Variants in CTNND2 observed in about 807,000 individuals in gnomAD.
CTNND2 encodes the protein catenin delta 2, also known as catenin delta-2.
In CTNND2, 22 loss-of-function variants were observed where a neutral mutation model predicts 144.4. The ratio of observed to expected loss-of-function variants is 0.15; its 90% CI spans 0.11 to 0.22. The LOEUF (loss-of-function observed/expected upper bound fraction) is 0.22. CTNND2 is among the 10% of genes least tolerant of loss of function. The pLI is 1.00. For missense variants in CTNND2, 1,353 were observed against 1,618.8 expected, an observed-to-expected ratio of 0.84 and a Z score of 2.82; for synonymous variants, 751 against 695.6, an observed-to-expected ratio of 1.08 and a Z score of -1.25.
At chr5:11,069,993 C>G (rs1460739202) in intron 16 of CTNND2, among the ~76,000 whole-genome samples, 4 of 152,098 alleles carry the variant, frequency 2.6e-5, no homozygotes, top group Non-Finnish European at 4.4e-5. Flanking sequence ...AAATGAGGTG[C>G]TTTTTAGGAG....
Position 11,571,402 on chromosome 5 carries a change from C to G in CTNND2, c.175-6346G>C, listed in dbSNP as rs138111426. On this transcript the variant is annotated intron_variant, in intron 2 of 21. Coordinates refer to ENST00000304623, the MANE Select transcript of CTNND2 (RefSeq NM_001332.4). ...TCCTAGCTCCAGCTTTGTGCATAAA[C>G]ATTTGCCTGCTCTTTTTCCGCAAAG... Among the ~76,000 whole-genome samples, 11 of 152,196 alleles carry G rather than the reference C, an allele frequency of 7.2e-5. No homozygotes were observed. In the East Asian group the frequency reaches 1.4e-3, roughly 19 times the overall value.
intron 2 of CTNND2, among the ~76,000 whole-genome samples, chr5:11,645,379 T>C (rs551484030): frequency 1.3e-5 from 2 of 152,320 alleles, no homozygotes; most frequent in South Asian, 2.1e-4. Flanking sequence ...CAGAATGATA[T>C]CCCAGAAATT....
At chr5:11,662,227 A>G (rs985605708) in intron 2 of CTNND2, among the ~76,000 whole-genome samples, 23 of 137,898 alleles carry the variant, frequency 1.7e-4, no homozygotes, top group Non-Finnish European at 2.3e-4. Flanking sequence ...ATATATGTGT[A>G]TATATGTATA....
intron 2 of CTNND2, among the ~76,000 whole-genome samples, chr5:11,612,491 T>C (rs566198894): frequency 7.9e-5 from 12 of 152,348 alleles, no homozygotes; most frequent in African/African-American, 2.6e-4. Context: ...CTTCATGGTA[T>C]ACACATTAAG....
At chr5:11,896,366 C>G (rs905289875) in intron 1 of CTNND2, among the ~76,000 whole-genome samples, 1 of 152,126 alleles carries the variant, frequency 6.6e-6, no homozygotes, top group East Asian at 1.9e-4. Flanking sequence ...GGGCTTGCAA[C>G]CATGCATGAA....
chr5:11,261,055 A>C (rs1744811226), intron 9 of CTNND2, among the ~76,000 whole-genome samples: 1 of 152,136 alleles, frequency 6.6e-6, no homozygotes, highest in South Asian at 2.1e-4. Context: ...GCAGGGTGCT[A>C]ACATTTTCAA....
At chr5:11,174,642 G>A (rs531158614) in intron 11 of CTNND2, among the ~76,000 whole-genome samples, 12 of 152,194 alleles carry the variant, frequency 7.9e-5, no homozygotes, top group Admixed American at 1.3e-4. Flanking sequence ...GTTGATTGAG[G>A]ACAAATAAAA....
intron 2 of CTNND2, among the ~76,000 whole-genome samples, chr5:11,677,950 C>T (rs922398797): frequency 3.3e-5 from 5 of 152,080 alleles, no homozygotes; most frequent in Non-Finnish European, 7.4e-5. Context: ...TTATTTTCTA[C>T]TGGGCCAAAA....
chr5:11,856,646 C>A (rs1795264983), intron 1 of CTNND2, among the ~76,000 whole-genome samples: 1 of 152,094 alleles, frequency 6.6e-6, no homozygotes, highest in Non-Finnish European at 1.5e-5. Context: ...GAATGAATTA[C>A]CAGATAAGTC....
intron 12 of CTNND2, among the ~76,000 whole-genome samples, chr5:11,158,199 T>G (rs58837478): frequency 1.5e-4 from 23 of 152,264 alleles, no homozygotes; most frequent in African/African-American, 5.3e-4. Context: ...ACTGTGAAAG[T>G]AGGGAATGCT....
At chr5:11,410,143 TAGAGTTGTCCCTACAAG>T (rs1458571502) in intron 5 of CTNND2, among the ~76,000 whole-genome samples, 6 of 152,136 alleles carry the variant, frequency 3.9e-5, no homozygotes, top group African/African-American at 1.4e-4. Context: ...GTGTTCTAAC[TAGAGTTGTCCCTACAAG>T]AGAAATATAT....
intron 1 of CTNND2, among the ~76,000 whole-genome samples, chr5:11,738,747 C>A (rs1787837248): frequency 6.6e-6 from 1 of 152,192 alleles, no homozygotes; most frequent in South Asian, 2.1e-4. Flanking sequence ...AGCCAGCATT[C>A]TTGTGTCACT....
intron 3 of CTNND2, among the ~76,000 whole-genome samples, chr5:11,469,841 G>A (rs1410260208): frequency 1.3e-5 from 2 of 151,848 alleles, no homozygotes; most frequent in East Asian, 1.9e-4. Context: ...ATTTAATCAG[G>A]GATTAAGTGC....
At chr5:11,291,291 A>G (rs1344082638) in intron 9 of CTNND2, among the ~76,000 whole-genome samples, 2 of 151,974 alleles carry the variant, frequency 1.3e-5, no homozygotes, top group Admixed American at 1.3e-4. Flanking sequence ...TTTTCCCATC[A>G]TTCTAGGCTA....
chr5:11,698,519 C>T (rs2126665286), intron 2 of CTNND2, among the ~76,000 whole-genome samples: 1 of 152,090 alleles, frequency 6.6e-6, no homozygotes, highest in Admixed American at 6.5e-5. Flanking sequence ...GATATCCTGA[C>T]CTCGTGATCC....
chr5:11,382,836 G>A (rs79516243), intron 7 of CTNND2, among the ~76,000 whole-genome samples: 7 of 152,152 alleles, frequency 4.6e-5, no homozygotes, highest in Non-Finnish European at 7.4e-5. Flanking sequence ...TCAAGCACAC[G>A]AAATCAGGCA....
rs186944289 is a variant in CTNND2, at chr5:11,477,130, G to A, written c.288-65061C>T. On this transcript the variant is annotated intron_variant, in intron 3 of 21. Transcript: ENST00000304623. ...TGTGGATTCAGTTCCATTGCTTTACGGGCAGGTCTTTTATAGCCCACTGTT... is the reference window on the plus strand; with the variant it reads ...TGTGGATTCAGTTCCATTGCTTTACAGGCAGGTCTTTTATAGCCCACTGTT... Among the ~76,000 whole-genome samples the A allele has an allele frequency of 1.2e-4, 19 of 152,244 alleles. No homozygotes were observed. The East Asian group carries it at 1.5e-3, about 12-fold the overall frequency.
At chr5:11,771,503 T>C (rs1789934217) in intron 1 of CTNND2, among the ~76,000 whole-genome samples, 1 of 152,180 alleles carries the variant, frequency 6.6e-6, no homozygotes, top group Non-Finnish European at 1.5e-5. Context: ...CACTACCATT[T>C]AGAGAAAAGT....
At chr5:11,348,477 A>T (rs1232468508) in intron 8 of CTNND2, among the ~76,000 whole-genome samples, 1 of 151,194 alleles carries the variant, frequency 6.6e-6, no homozygotes, top group Non-Finnish European at 1.5e-5. Flanking sequence ...AACTAAGTAC[A>T]TCTGGCATTT....
Sources: gnomAD v4.1 joint callset for allele counts (sites outside exome capture counted in the v4.1 genomes callset) on GRCh38, gnomAD v4.1.1 for gene constraint, MANE v1.5 for transcripts, NCBI Gene and HGNC (gene_info 2026-07-23, HGNC 2026-07-21) for gene names.